Variants in CYSLTR2 observed in about 807,000 individuals in gnomAD.
CYSLTR2 encodes the protein cysteinyl leukotriene receptor 2, also known as G-protein coupled receptor GPCR21.
For synonymous variants in CYSLTR2, 179 were observed against 160.8 expected, an observed-to-expected ratio of 1.11 and a Z score of -0.86; for missense variants, 398 against 411.9, an observed-to-expected ratio of 0.97 and a Z score of 0.29.
chr13:48,678,439 C>G (rs1367633821), intron 1 of CYSLTR2, among the ~76,000 whole-genome samples: 1 of 152,146 alleles, frequency 6.6e-6, no homozygotes, highest in African/African-American at 2.4e-5. Flanking sequence ...AATCATCATT[C>G]CAGCCTCTTC....
chr13:48,661,837 A>G (rs2138813537), intron 1 of CYSLTR2, among the ~76,000 whole-genome samples: 1 of 152,342 alleles, frequency 6.6e-6, no homozygotes, highest in East Asian at 1.9e-4. Flanking sequence ...TCAAATATTT[A>G]TCATTTCCTT....
Position 48,663,542 on chromosome 13 carries a change from G to A in CYSLTR2, c.-266+9525G>A, listed in dbSNP as rs1225991378. ...AGTGTCTTGTAGTTTTCCTTGTAGA[G>A]GTCTTTCACCTCCTTGGTTACATTT... On this transcript the variant is annotated intron_variant, in intron 1 of 4. Transcript: ENST00000682523. 4.6e-5 allele frequency among the ~76,000 whole-genome samples: 7 copies of A among 152,052 alleles called. No individual in the cohort carries two copies. The East Asian group carries it at 1.3e-3, about 29-fold the overall frequency.
At position 48,708,270 on chromosome 13, in the gene CYSLTR2, C is replaced by T. The variant is rs1954556928; in HGVS notation, c.*412C>T. 5.9e-6 allele frequency: 1 copy of T among 170,776 alleles called. No individual in the cohort carries two copies. Among genetic ancestry groups the T allele is most frequent in the South Asian group, 2.0e-4 (1 of 4,940 alleles). The allele number at this position is 170,776 out of a possible 1,614,324, so 10.6% of individuals were successfully genotyped here. A position where few individuals can be genotyped will look rare whatever the true frequency, so the allele number is the denominator to read the frequency against. On this transcript the variant is annotated 3_prime_UTR_variant, in exon 5 of 5. Transcript: ENST00000682523. ...GAGATATAGCCAACTAACGACGCTA[C>T]TGGAAGCCCCAGAGCAGAAAAGAAG...
chr13:48,711,222 T>C lies in CYSLTR2; in HGVS notation c.*3364T>C, dbSNP rs1348274623. The C allele has an allele frequency of 2.0e-5, 3 of 152,112 alleles. No homozygotes were observed. The highest frequency in any genetic ancestry group is 1.3e-4 in the Admixed American group (2 of 15,272). The allele number at this position is 152,112 out of a possible 1,614,324, so 9.4% of individuals were successfully genotyped here. The stretch of plus-strand genomic sequence containing the variant: ...TTAAGTTAAAATTAAATTTTAAAAT[T>C]CAAACTAATTCTGAGTTGTTTTTTA... On this transcript the variant is annotated 3_prime_UTR_variant, in exon 5 of 5. Coordinates refer to ENST00000682523, the MANE Select transcript of CYSLTR2 (RefSeq NM_001308476.3).
intron 1 of CYSLTR2, among the ~76,000 whole-genome samples, chr13:48,683,903 C>A (rs1249692674): frequency 6.6e-6 from 1 of 152,216 alleles, no homozygotes; most frequent in African/African-American, 2.4e-5. Flanking sequence ...TCTTCCAGTT[C>A]ATAATCCATA....
At position 48,709,269 on chromosome 13, in the gene CYSLTR2, C is replaced by T. The variant is rs892358017; in HGVS notation, c.*1411C>T. ...ACTCTCACAAGAAAACCAAAAGTTT[C>T]TCTTCAGAGTTGTTGACTCATAGTA... On this transcript the variant is annotated 3_prime_UTR_variant, in exon 5 of 5. Transcript: ENST00000682523. 6.0e-6 allele frequency: 1 copy of T among 167,090 alleles called. No individual in the cohort carries two copies. The highest frequency in any genetic ancestry group is 2.1e-4 in the South Asian group (1 of 4,822). The allele number at this position is 167,090 out of a possible 1,614,324, so 10.4% of individuals were successfully genotyped here. A position where few individuals can be genotyped will look rare whatever the true frequency, so the allele number is the denominator to read the frequency against.
At position 48,706,985 on chromosome 13, in the gene CYSLTR2, T is replaced by C. The variant is rs763097125; in HGVS notation, c.168T>C (p.Asn56=). The C allele has an allele frequency of 6.2e-7, 1 of 1,614,172 alleles. No individual in the cohort carries two copies. The highest frequency in any genetic ancestry group is 8.5e-7 in the Non-Finnish European group (1 of 1,180,028). ...LIIFFWGVLG[N]GLSIYVFLQP... is the part of the protein sequence containing the mutation. ...TATTTTTCTGGGGAGTCTTGGGAAA[T>C]GGGTTGTCCATATATGTTTTCCTGC... The change falls in exon 5 of 5, where the codon AAT becomes AAC. Residue 56 remains asparagine (N), a synonymous_variant. Coordinates refer to ENST00000682523, the MANE Select transcript of CYSLTR2 (RefSeq NM_001308476.3).
intron 4 of CYSLTR2, among the ~76,000 whole-genome samples, chr13:48,702,194 G>C (rs2138989300): frequency 6.7e-6 from 1 of 149,682 alleles, no homozygotes; most frequent in East Asian, 2.0e-4. Context: ...CTCACTCATA[G>C]GTGGGAATTG....
chr13:48,689,895 T>C (rs570426560), intron 1 of CYSLTR2, among the ~76,000 whole-genome samples: 54 of 152,330 alleles, frequency 3.5e-4, no homozygotes, highest in African/African-American at 1.3e-3. Context: ...GAGCATGGAA[T>C]GTTTTTCCAT....
intron 1 of CYSLTR2, among the ~76,000 whole-genome samples, chr13:48,679,647 A>G (rs1378405004): frequency 1.3e-5 from 2 of 152,234 alleles, no homozygotes; most frequent in Non-Finnish European, 2.9e-5. Context: ...AATTGAGTTA[A>G]TAGCATAAGG....
At chr13:48,685,003 C>A (rs1953860351) in intron 1 of CYSLTR2, among the ~76,000 whole-genome samples, 1 of 152,188 alleles carries the variant, frequency 6.6e-6, no homozygotes, top group South Asian at 2.1e-4. Flanking sequence ...TCCCCAGAGC[C>A]TTCGAAGGAA....
intron 4 of CYSLTR2, among the ~76,000 whole-genome samples, chr13:48,699,192 T>TC (rs1310790417): frequency 6.6e-6 from 1 of 152,092 alleles, no homozygotes; most frequent in Non-Finnish European, 1.5e-5. Flanking sequence ...TCTACAGAAC[T>TC]CTCCACCCCA....
chr13:48,687,147 C>A (rs2138920291), intron 1 of CYSLTR2, among the ~76,000 whole-genome samples: 1 of 152,236 alleles, frequency 6.6e-6, no homozygotes, highest in East Asian at 1.9e-4. Flanking sequence ...AGGGCTTTCA[C>A]CAGTGGGCCC....
At chr13:48,663,591 G>A (rs1043508784) in intron 1 of CYSLTR2, among the ~76,000 whole-genome samples, 4 of 151,756 alleles carry the variant, frequency 2.6e-5, no homozygotes, top group Admixed American at 6.6e-5. Context: ...TTTTTTGTTT[G>A]TTTGTAGCTG....
At chr13:48,700,272 A>G (rs1954304786) in intron 4 of CYSLTR2, among the ~76,000 whole-genome samples, 1 of 152,262 alleles carries the variant, frequency 6.6e-6, no homozygotes, top group Non-Finnish European at 1.5e-5. Context: ...AATCCTAAAT[A>G]AAATACTGGC....
At chr13:48,662,734 A>G (rs1427822999) in intron 1 of CYSLTR2, among the ~76,000 whole-genome samples, 1 of 152,186 alleles carries the variant, frequency 6.6e-6, no homozygotes, top group African/African-American at 2.4e-5. Flanking sequence ...AGTACCTTGT[A>G]TATTCTGAAT....
At chr13:48,701,395 T>C (rs1321957618) in intron 4 of CYSLTR2, among the ~76,000 whole-genome samples, 2 of 152,226 alleles carry the variant, frequency 1.3e-5, no homozygotes, top group African/African-American at 4.8e-5. Context: ...GGATTCCCTA[T>C]TTAATAAATG....
At chr13:48,686,677 C>T (rs2138918265) in intron 1 of CYSLTR2, among the ~76,000 whole-genome samples, 1 of 152,188 alleles carries the variant, frequency 6.6e-6, no homozygotes, top group East Asian at 1.9e-4. Context: ...GCACAAATTT[C>T]TCTTTGGCTA....
At chr13:48,659,635 G>A (rs1177512434) in intron 1 of CYSLTR2, among the ~76,000 whole-genome samples, 1 of 152,140 alleles carries the variant, frequency 6.6e-6, no homozygotes, top group Non-Finnish European at 1.5e-5. Context: ...CCTTGATTAT[G>A]GACAGGGAGG....
Sources: gnomAD v4.1 joint callset for allele counts (sites outside exome capture counted in the v4.1 genomes callset) on GRCh38, gnomAD v4.1.1 for gene constraint, MANE v1.5 for transcripts, NCBI Gene and HGNC (gene_info 2026-07-23, HGNC 2026-07-21) for gene names.